RHOT1: variants seen among roughly 807,000 people sequenced by gnomAD.
The protein encoded by RHOT1 is ras homolog family member T1, also known as mitochondrial Rho GTPase 1.
In RHOT1, 27 loss-of-function variants were observed where a neutral mutation model predicts 95.3. That is an observed-to-expected ratio of 0.28 (90% CI 0.21 to 0.39). RHOT1 has a LOEUF of 0.39. Ranked by LOEUF, RHOT1 falls within the 10% of genes least tolerant of loss-of-function variation. The pLI is 1.00. For missense variants in RHOT1, 578 were observed against 786.7 expected (o/e 0.73, Z 3.17); for synonymous variants, 227 against 263.5 (o/e 0.86, Z 1.34).
chr17:32,174,396 A>G (rs2034826109), intron 3 of RHOT1, among the ~76,000 whole-genome samples: 1 of 152,198 alleles, frequency 6.6e-6, no homozygotes, highest in African/African-American at 2.4e-5. Flanking sequence ...TGTGGCTTGC[A>G]TTATCTGTAT....
At chr17:32,210,485 T>C (rs2142905462) in intron 18 of RHOT1, among the ~76,000 whole-genome samples, 1 of 152,326 alleles carries the variant, frequency 6.6e-6, no homozygotes, top group South Asian at 2.1e-4. Flanking sequence ...CTGCTGTGTT[T>C]GGGTAGCAGA....
intron 1 of RHOT1, among the ~76,000 whole-genome samples, chr17:32,170,354 G>A (rs1309139753): frequency 6.6e-6 from 1 of 152,130 alleles, no homozygotes; most frequent in Non-Finnish European, 1.5e-5. Flanking sequence ...GGTGGGGATT[G>A]CAGTGAGCCA....
intron 19 of RHOT1, among the ~76,000 whole-genome samples, chr17:32,220,621 G>A (rs2038770715): frequency 6.6e-6 from 1 of 151,900 alleles, no homozygotes; most frequent in Non-Finnish European, 1.5e-5. Flanking sequence ...GATCACTTGA[G>A]GTCAGGAGTT....
intron 19 of RHOT1, among the ~76,000 whole-genome samples, chr17:32,213,673 C>T (rs1163252293): frequency 6.6e-6 from 1 of 152,116 alleles, no homozygotes; most frequent in Non-Finnish European, 1.5e-5. Flanking sequence ...GTGAACTCAC[C>T]TTGGCTCCCC....
At position 32,160,807 on chromosome 17, in the gene RHOT1, T is replaced by A. The variant is rs142029278; in HGVS notation, c.38-10236T>A. On this transcript the variant is annotated intron_variant, in intron 1 of 19. Coordinates refer to ENST00000545287, the MANE Select transcript of RHOT1 (RefSeq NM_001033566.3). ...CTTGCTCACACATCCCTCACCACTT[T>A]GTGCCTGGCTCACCTTTGGCAGGCG... Among the ~76,000 whole-genome samples the A allele has an allele frequency of 4.7e-3, 723 of 152,330 alleles. 7 individuals carry two copies. The highest frequency in any genetic ancestry group is 0.017 in the African/African-American group (695 of 41,572).
intron 6 of RHOT1, chr17:32,179,920 G>C (rs1365712147): frequency 7.7e-6 from 1 of 129,814 alleles, no homozygotes; most frequent in Admixed American, 7.8e-5. Flanking sequence ...AGTGAGGAGC[G>C]CCTCTGCCCA....
rs891662720 is a variant in RHOT1 at position 32,222,766 on chromosome 17, G to A, written c.1863-1850G>A. On this transcript the variant is annotated intron_variant, in intron 19 of 19. Coordinates refer to ENST00000545287, the MANE Select transcript of RHOT1 (RefSeq NM_001033566.3). ...TGTGCATGTGTATAAAAGGTTAAGA[G>A]CCCGGATAGCTGAGTGGGGTGCCAT... 7 of 735,420 alleles carry A rather than the reference G, an allele frequency of 9.5e-6. No individual in the cohort carries two copies. In the African/African-American group the frequency reaches 9.6e-5, roughly 10 times the overall value. The allele number at this position is 735,420 out of a possible 1,614,324, so 45.6% of individuals were successfully genotyped here.
At chr17:32,182,410 T>C (rs1231464245) in intron 6 of RHOT1, among the ~76,000 whole-genome samples, 2 of 152,158 alleles carry the variant, frequency 1.3e-5, no homozygotes, top group African/African-American at 2.4e-5. Context: ...CACTTGAGCA[T>C]AGGAATTTGA....
Position 32,193,263 on chromosome 17 carries a change from T to G in RHOT1, c.748+19T>G. The stretch of plus-strand genomic sequence containing the variant: ...CTGAAAGGTGGGTAAATGGTATTTT[T>G]CCCCCTTTTGAAACTTAATATTTTC... On this transcript the variant is annotated intron_variant, in intron 10 of 19. Transcript: ENST00000545287. The G allele has an allele frequency of 6.6e-7, 1 of 1,507,272 alleles. No homozygotes were observed. Among genetic ancestry groups the G allele is most frequent in the Admixed American group, 1.7e-5 (1 of 59,230 alleles). The allele number at this position is 1,507,272 out of a possible 1,614,324, so 93.4% of individuals were successfully genotyped here. A position where few individuals can be genotyped will look rare whatever the true frequency, so the allele number is the denominator to read the frequency against.
chr17:32,150,929 G>T (rs768282155), intron 1 of RHOT1: 193 of 1,542,518 alleles, frequency 1.3e-4, no homozygotes, highest in Non-Finnish European at 1.7e-4. Context: ...TTCTTGGATG[G>T]AAGGTATCTG....
At chr17:32,146,025 A>G (rs762807817) in intron 1 of RHOT1, among the ~76,000 whole-genome samples, 1 of 152,120 alleles carries the variant, frequency 6.6e-6, no homozygotes, top group African/African-American at 2.4e-5. Context: ...CAGAAAATAG[A>G]TGTATATCAT....
chr17:32,203,659 C>A (rs1208604504), intron 15 of RHOT1, among the ~76,000 whole-genome samples: 1 of 152,136 alleles, frequency 6.6e-6, no homozygotes, highest in African/African-American at 2.4e-5. Context: ...GGATAGTTTC[C>A]TTCCTTTTTA....
At chr17:32,178,213 C>CA (rs2035187929) in intron 6 of RHOT1, among the ~76,000 whole-genome samples, 1 of 144,546 alleles carries the variant, frequency 6.9e-6, no homozygotes, top group South Asian at 2.3e-4. Flanking sequence ...TCCCCCCCCC[C>CA]AGTGATCTCC....
At chr17:32,222,172 T>A (rs2142972351) in intron 19 of RHOT1, among the ~76,000 whole-genome samples, 1 of 152,358 alleles carries the variant, frequency 6.6e-6, no homozygotes, top group South Asian at 2.1e-4. Context: ...GAGAAACCTC[T>A]AATGCACCTT....
chr17:32,219,900 A>G (rs977022611), intron 19 of RHOT1, among the ~76,000 whole-genome samples: 17 of 152,224 alleles, frequency 1.1e-4, no homozygotes, highest in African/African-American at 3.9e-4. Flanking sequence ...TTCCACATAG[A>G]GTAGGAAGGT....
Position 32,183,260 on chromosome 17 carries a change from AGAG to A in RHOT1, c.532_534del (p.Glu178del). The A allele has an allele frequency of 6.8e-7, 1 of 1,468,826 alleles. No homozygotes were observed. The highest frequency in any genetic ancestry group is 9.1e-7 in the Non-Finnish European group (1 of 1,103,150). The allele number at this position is 1,468,826 out of a possible 1,614,324, so 91.0% of individuals were successfully genotyped here. A position where few individuals can be genotyped will look rare whatever the true frequency, so the allele number is the denominator to read the frequency against. ...ATCCTACAGGGCCCCTGTACTGCCCAGAGGAGAAGGAGGTAACAGGCTGTGTTT... is the reference window on the plus strand; with the variant it reads ...ATCCTACAGGGCCCCTGTACTGCCCAGAGAAGGAGGTAACAGGCTGTGTTT... On this transcript the variant is annotated inframe_deletion, in exon 8 of 20. Transcript: ENST00000545287.
chr17:32,162,219 C>G (rs973160540), intron 1 of RHOT1, among the ~76,000 whole-genome samples: 4 of 152,020 alleles, frequency 2.6e-5, no homozygotes, highest in Admixed American at 1.3e-4. Flanking sequence ...TCTGTTGCCC[C>G]CTCCTCCCCA....
At chr17:32,222,338 T>C (rs982130126) in intron 19 of RHOT1, among the ~76,000 whole-genome samples, 12 of 152,222 alleles carry the variant, frequency 7.9e-5, no homozygotes, top group African/African-American at 2.9e-4. Flanking sequence ...TAACCCAAAG[T>C]TATAATCATC....
intron 4 of RHOT1, 150 bp downstream of exon 4, chr17:32,175,512 A>C: frequency 1.3e-6 from 1 of 781,008 alleles, no homozygotes; most frequent in Non-Finnish European, 2.1e-6. Flanking sequence ...CACCCAGTGC[A>C]GTGGCGCAAT....
Sources: allele counts gnomAD v4.1 joint callset (sites outside exome capture counted in the v4.1 genomes callset), GRCh38; gene constraint gnomAD v4.1.1; transcripts MANE v1.5; gene names NCBI Gene and HGNC (gene_info 2026-07-23, HGNC 2026-07-21).